The following SHISA9 variants were observed in gnomAD, a reference collection of about 807,000 sequenced individuals.
SHISA9 encodes the protein shisa family member 9.
Under a neutral mutation model 38.0 loss-of-function variants are expected in SHISA9, and 13 were observed. The ratio of observed to expected loss-of-function variants is 0.34; its 90% CI spans 0.22 to 0.54. The LOEUF (loss-of-function observed/expected upper bound fraction) is 0.54, where lower values mean the gene tolerates loss of function less well. SHISA9 is among the 20% of genes least tolerant of loss of function. The pLI is 0.91. For missense variants in SHISA9, 538 were observed against 575.8 expected (o/e 0.93, Z 0.67); for synonymous variants, 275 against 242.0 (o/e 1.14, Z -1.27).
In SHISA9 at chr16:13,124,599, C is replaced by T. The variant is rs192771450; in HGVS notation, c.692-78795C>T. ...GGGCATCCACCATGATCTGGACTGACCTGACATGTGAAGACAATCCTAAAA... is the reference window on the plus strand; with the variant it reads ...GGGCATCCACCATGATCTGGACTGATCTGACATGTGAAGACAATCCTAAAA... On this transcript the variant is annotated intron_variant, in intron 2 of 4. Transcript: ENST00000558583. Among the ~76,000 whole-genome samples the T allele has an allele frequency of 9.9e-5, 15 of 152,234 alleles. No individual in the cohort carries two copies. In the East Asian group the frequency reaches 1.4e-3, roughly 14 times the overall value.
the SHISA9 span, among the ~76,000 whole-genome samples, chr16:13,357,022 T>A: frequency 6.6e-6 from 1 of 151,694 alleles, no homozygotes; most frequent in Non-Finnish European, 1.5e-5. Flanking sequence ...GAAGGAGGAA[T>A]GGAAGGTGGA....
chr16:13,558,312 G>C, the SHISA9 span, among the ~76,000 whole-genome samples: 1 of 152,096 alleles, frequency 6.6e-6, no homozygotes, highest in Non-Finnish European at 1.5e-5. Context: ...TAAGCTTGAT[G>C]CTGTGCTGGT....
chr16:13,041,264 T>C (rs2073128738), intron 2 of SHISA9, among the ~76,000 whole-genome samples: 3 of 152,222 alleles, frequency 2.0e-5, no homozygotes, highest in Admixed American at 2.0e-4. Context: ...AAATGGAGAC[T>C]GCTTACTTGA....
At chr16:13,247,635 G>C in the SHISA9 span, among the ~76,000 whole-genome samples, 1 of 152,170 alleles carries the variant, frequency 6.6e-6, no homozygotes, top group Non-Finnish European at 1.5e-5. Flanking sequence ...TTCACTGTCA[G>C]CTTGGCATCT....
intron 2 of SHISA9, among the ~76,000 whole-genome samples, chr16:12,965,598 G>A (rs1388136453): frequency 5.3e-5 from 8 of 152,176 alleles, no homozygotes; most frequent in Non-Finnish European, 7.3e-5. Flanking sequence ...AGCTTCCAAC[G>A]TCACTTAGGA....
intron 2 of SHISA9, among the ~76,000 whole-genome samples, chr16:13,043,574 A>G (rs1596607731): frequency 6.6e-6 from 1 of 152,352 alleles, no homozygotes; most frequent in East Asian, 1.9e-4. Context: ...CACTAACCTA[A>G]TATGAAGACC....
At chr16:13,363,654 T>A in the SHISA9 span, among the ~76,000 whole-genome samples, 11 of 152,202 alleles carry the variant, frequency 7.2e-5, no homozygotes, top group African/African-American at 2.2e-4. Flanking sequence ...GGATATGGGA[T>A]CATGAAAGGT....
At chr16:13,382,530 C>CAAAAA in the SHISA9 span, among the ~76,000 whole-genome samples, 4 of 48,966 alleles carry the variant, frequency 8.2e-5, no homozygotes, top group African/African-American at 1.4e-4. Flanking sequence ...AACTCCATCT[C>CAAAAA]AAAAAAAAAA....
Position 12,947,779 on chromosome 16 carries a change from C to T in SHISA9, c.691+30964C>T, listed in dbSNP as rs1033467391. ...CCTTGAAGGTATCAGTGTATAGCTG[C>T]GAAATGGAGGCCTGGTTCCTCTGAG... On this transcript the variant is annotated intron_variant, in intron 2 of 4. Coordinates refer to ENST00000558583, the MANE Select transcript of SHISA9 (RefSeq NM_001145204.3). Among the ~76,000 whole-genome samples the T allele has an allele frequency of 5.3e-5, 8 of 152,262 alleles. No individual in the cohort carries two copies. In the South Asian group the frequency reaches 6.2e-4, roughly 12 times the overall value.
At chr16:12,903,612 C>G (rs1243087542) in intron 1 of SHISA9, among the ~76,000 whole-genome samples, 2 of 152,124 alleles carry the variant, frequency 1.3e-5, no homozygotes, top group Non-Finnish European at 2.9e-5. Context: ...CCCCCGGCCG[C>G]GGGAGAGGCT....
chr16:13,061,575 T>TAAC (rs1391282956), intron 2 of SHISA9, among the ~76,000 whole-genome samples: 21 of 152,210 alleles, frequency 1.4e-4, no homozygotes, highest in African/African-American at 5.1e-4. Flanking sequence ...ATACTTACAT[T>TAAC]AACTCAACAT....
chr16:13,361,845 CAAGCCTTCATATAACTA>C, the SHISA9 span, among the ~76,000 whole-genome samples: 2 of 152,196 alleles, frequency 1.3e-5, no homozygotes, highest in Non-Finnish European at 2.9e-5. Flanking sequence ...ATTGGATGAA[CAAGCCTTCATATAACTA>C]ATTATTTCCA....
At chr16:13,481,474 G>A in the SHISA9 span, among the ~76,000 whole-genome samples, 1 of 152,184 alleles carries the variant, frequency 6.6e-6, no homozygotes, top group South Asian at 2.1e-4. Flanking sequence ...GTGTCAGGCT[G>A]TCCTCAACCA....
intron 2 of SHISA9, among the ~76,000 whole-genome samples, chr16:13,201,534 T>C (rs1057066345): frequency 1.5e-5 from 2 of 134,536 alleles, no homozygotes; most frequent in Non-Finnish European, 3.2e-5. Context: ...GTCTTCTGTC[T>C]AGGGCTGCAT....
chr16:12,950,265 T>G lies in SHISA9; in HGVS notation c.691+33450T>G, dbSNP rs377363804. On this transcript the variant is annotated intron_variant, in intron 2 of 4. Transcript: ENST00000558583. ...TATACCACATTTTCTCTATCCATTC[T>G]TTGGTGGACATTTACGTTGATTCCA... 2.6e-4 allele frequency among the ~76,000 whole-genome samples: 39 copies of G among 152,350 alleles called. No homozygotes were observed. In the South Asian group the frequency reaches 8.1e-3, roughly 32 times the overall value.
At chr16:13,229,938 T>A (rs1023006056) in intron 4 of SHISA9, among the ~76,000 whole-genome samples, 5 of 152,198 alleles carry the variant, frequency 3.3e-5, no homozygotes, top group Non-Finnish European at 7.4e-5. Context: ...GACCTCATTA[T>A]AAGTACTGCT....
intron 2 of SHISA9, among the ~76,000 whole-genome samples, chr16:13,033,395 G>T (rs1280757154): frequency 6.6e-6 from 1 of 152,102 alleles, no homozygotes; most frequent in Non-Finnish European, 1.5e-5. Flanking sequence ...CCAGGGATTT[G>T]GAAGCCATTT....
At chr16:13,087,455 A>G (rs1289528355) in intron 2 of SHISA9, among the ~76,000 whole-genome samples, 2 of 152,110 alleles carry the variant, frequency 1.3e-5, no homozygotes, top group South Asian at 2.1e-4. Context: ...GTGTAAAAGC[A>G]TTCCTGTTTC....
At chr16:13,347,838 T>TACC in the SHISA9 span, among the ~76,000 whole-genome samples, 2 of 66,506 alleles carry the variant, frequency 3.0e-5, no homozygotes, top group African/African-American at 7.5e-5. Flanking sequence ...TAGAATAACG[T>TACC]ACCCCCCCAC....
Sources: allele counts gnomAD v4.1 joint callset (sites outside exome capture counted in the v4.1 genomes callset), GRCh38; gene constraint gnomAD v4.1.1; transcripts MANE v1.5; gene names NCBI Gene and HGNC (gene_info 2026-07-23, HGNC 2026-07-21).